The following CKLF variants were observed in gnomAD, a reference collection of about 807,000 sequenced individuals.
CKLF encodes the protein chemokine like factor.
CKLF carries 16 observed loss-of-function variants against 12.9 expected under a neutral mutation model. That is an observed-to-expected ratio of 1.24 (90% CI 0.84 to 1.88). The LOEUF (loss-of-function observed/expected upper bound fraction) is 1.88, where lower values mean the gene tolerates loss of function less well. CKLF is among the 40% of genes most tolerant of loss of function. The probability of loss-of-function intolerance (pLI) is 0.00; values close to 1 mark genes in which losing one functional copy is unlikely to be tolerated. For synonymous variants in CKLF, 61 were observed against 69.0 expected (o/e 0.88, Z 0.57); for missense variants, 172 against 188.5 (o/e 0.91, Z 0.51).
In CKLF at chr16:66,552,733, G is replaced by A; in HGVS notation, c.18G>A (p.Pro6=). ...CAGACGCGATGGATAACGTGCAGCC[G>A]AAAATAAAACATCGCCCCTTCTGCT... MDNVQ[P]KIKHRPFCFS... The change falls in exon 1 of 4, where the codon CCG becomes CCA. Residue 6 remains proline, a synonymous_variant. Transcript: ENST00000264001. 3 of 1,614,184 alleles carry A rather than the reference G, an allele frequency of 1.9e-6. No individual in the cohort carries two copies. The highest frequency in any genetic ancestry group is 2.5e-6 in the Non-Finnish European group (3 of 1,180,026).
intron 3 of CKLF, among the ~76,000 whole-genome samples, chr16:66,563,569 A>C (rs1197967247): frequency 6.6e-6 from 1 of 152,244 alleles, no homozygotes; most frequent in Non-Finnish European, 1.5e-5. Flanking sequence ...GATGAGTTTC[A>C]TAGCTCTCCC....
rs760227678 is a variant in CKLF, at chr16:66,566,016, A to G, written c.*5A>G. Reference sequence around the variant, plus strand: ...GAAAAAAAAGAAGTTTTGTAATTTTATATTACTTTTTAGTTTGATACTAAG... The same window carrying G: ...GAAAAAAAAGAAGTTTTGTAATTTTGTATTACTTTTTAGTTTGATACTAAG... On this transcript the variant is annotated 3_prime_UTR_variant, in exon 4 of 4. Coordinates refer to ENST00000264001, the MANE Select transcript of CKLF (RefSeq NM_016951.4). The surrounding 1 kb of genome is among the most constrained non-coding windows in gnomAD (Gnocchi z 4.9). The G allele has an allele frequency of 6.2e-7, 1 of 1,609,594 alleles. No individual in the cohort carries two copies. Among genetic ancestry groups the G allele is most frequent in the South Asian group, 1.1e-5 (1 of 90,888 alleles).
chr16:66,552,580 G>A lies in CKLF; in HGVS notation c.-136G>A, dbSNP rs568776860. 2.8e-6 allele frequency: 4 copies of A among 1,406,308 alleles called. No individual in the cohort carries two copies. The highest frequency in any genetic ancestry group is 2.8e-5 in the African/African-American group (2 of 70,324). 87.1% of individuals were successfully genotyped at this position (1,406,308 alleles called of 1,614,324 possible). A position where few individuals can be genotyped will look rare whatever the true frequency, so the allele number is the denominator to read the frequency against. ...CCGTGCGCATGCGCGCAAGAGAGCG[G>A]GAAGCCGAGCTGGGCGAGAAGTAGG... On this transcript the variant is annotated 5_prime_UTR_variant, in exon 1 of 4. Coordinates refer to ENST00000264001, the MANE Select transcript of CKLF (RefSeq NM_016951.4).
chr16:66,563,180 T>G lies in CKLF; in HGVS notation c.296T>G (p.Leu99Arg). The G allele has an allele frequency of 6.2e-7, 1 of 1,614,144 alleles. No individual in the cohort carries two copies. The highest frequency in any genetic ancestry group is 8.5e-7 in the Non-Finnish European group (1 of 1,180,020). Residue 99 changes from leucine to arginine, a missense_variant, in exon 3 of 4, where the codon CTG (leucine) becomes CGG (arginine). Transcript: ENST00000264001. ...VFMLIVSVLA[L>R]IPETTTLTVG... ...ATGCTCATCGTATCTGTGTTGGCAC[T>G]GATACCAGAAACCACAACATTGACA... is the stretch of plus-strand genomic sequence containing the variant.
At chr16:66,557,231 C>T (rs780402492) in intron 1 of CKLF, among the ~76,000 whole-genome samples, 4 of 152,054 alleles carry the variant, frequency 2.6e-5, no homozygotes, top group African/African-American at 4.8e-5. Context: ...AGTGCAGTGG[C>T]ATCTCAGCTC....
chr16:66,562,583 A>C (rs1477590319), intron 2 of CKLF, among the ~76,000 whole-genome samples: 3 of 152,260 alleles, frequency 2.0e-5, no homozygotes, highest in Non-Finnish European at 4.4e-5. Context: ...TTGGCATATC[A>C]CAGGTAAAAG....
chr16:66,559,623 C>T (rs2011591562), intron 2 of CKLF, among the ~76,000 whole-genome samples: 1 of 152,156 alleles, frequency 6.6e-6, no homozygotes, highest in South Asian at 2.1e-4. Context: ...ACATTTTAGC[C>T]TTTCTTTTTT....
At position 66,556,172 on chromosome 16, in the gene CKLF, G is replaced by A. The variant is rs3785088; in HGVS notation, c.79-2018G>A. On this transcript the variant is annotated intron_variant, in intron 1 of 3. Transcript: ENST00000264001. ...GAACCCACCAAGAGAGAACAGTCGC[G>A]GAGGTTTAAAATCTCGGAGAACTGA... is the stretch of plus-strand genomic sequence containing the variant. 6.6e-5 allele frequency among the ~76,000 whole-genome samples: 10 copies of A among 151,958 alleles called. No homozygotes were observed. In the East Asian group the frequency reaches 1.7e-3, roughly 26 times the overall value.
downstream of CKLF, chr16:66,566,152 G>GTA (rs2012286419): frequency 7.5e-6 from 12 of 1,593,858 alleles, no homozygotes; most frequent in African/African-American, 1.4e-5. This position sits in a 1 kb window ranked among gnomAD's most constrained non-coding sequence, Gnocchi z 4.9. Flanking sequence ...GAGCACTACT[G>GTA]TAACTTCCAA....
Position 66,556,700 on chromosome 16 carries a change from T to C in CKLF, c.79-1490T>C, listed in dbSNP as rs562773325. Among the ~76,000 whole-genome samples, 19 of 152,360 alleles carry C rather than the reference T, an allele frequency of 1.2e-4. 1 individual carries two copies. The highest frequency in any genetic ancestry group is 1.2e-3 in the Admixed American group (19 of 15,312). On this transcript the variant is annotated intron_variant, in intron 1 of 3. Transcript: ENST00000264001. ...TTGCTAATAGTAATTATATTAATTA[T>C]AAAGAATGAAGTTACTTAGTAACTA...
intron 1 of CKLF, among the ~76,000 whole-genome samples, chr16:66,553,868 C>T (rs2011295695): frequency 6.6e-6 from 1 of 152,096 alleles, no homozygotes. Flanking sequence ...CATATAAGAT[C>T]CTTCTCACAC....
chr16:66,565,758 A>G (rs1166791915), intron 3 of CKLF, 128 bp from the exon 4 acceptor site: 4 of 795,728 alleles, frequency 5.0e-6, no homozygotes, highest in Non-Finnish European at 8.5e-6. Flanking sequence ...TTAGTATTAG[A>G]TGAAGCACAG....
chr16:66,554,989 A>C (rs1468067820), intron 1 of CKLF, among the ~76,000 whole-genome samples: 1 of 152,186 alleles, frequency 6.6e-6, no homozygotes, highest in Non-Finnish European at 1.5e-5. Context: ...TAATCCCAGC[A>C]CTTTAGGAGG....
intron 2 of CKLF, 63 bp downstream of exon 2, chr16:66,558,411 ACT>A: frequency 6.4e-7 from 1 of 1,556,018 alleles, no homozygotes; most frequent in Non-Finnish European, 8.6e-7. Context: ...ATTCTAATGA[ACT>A]CTGTTTTTTG....
chr16:66,555,291 G>C (rs1465057169), intron 1 of CKLF, among the ~76,000 whole-genome samples: 1 of 152,184 alleles, frequency 6.6e-6, no homozygotes, highest in Admixed American at 6.5e-5. Flanking sequence ...GGTAGGGAAG[G>C]ACAGAAGGGG....
intron 2 of CKLF, among the ~76,000 whole-genome samples, chr16:66,561,553 C>T (rs1597132422): frequency 6.6e-6 from 1 of 152,114 alleles, no homozygotes; most frequent in South Asian, 2.1e-4. Flanking sequence ...TAAACCCTTG[C>T]CCAGATTGCT....
At position 66,552,626 on chromosome 16, in the gene CKLF, G is replaced by T. The variant is rs1387158700; in HGVS notation, c.-90G>T. ...GTAGGGGAGGGCGGTGCTCCGCCGC[G>T]GTGGCGGTTGCTATCGCTTCGCAGA... On this transcript the variant is annotated 5_prime_UTR_variant, in exon 1 of 4. Coordinates refer to ENST00000264001, the MANE Select transcript of CKLF (RefSeq NM_016951.4). 1.1e-5 allele frequency: 18 copies of T among 1,595,934 alleles called. No individual in the cohort carries two copies. The highest frequency in any genetic ancestry group is 1.5e-5 in the Non-Finnish European group (18 of 1,165,636).
At chr16:66,560,007 G>T (rs1371690306) in intron 2 of CKLF, among the ~76,000 whole-genome samples, 1 of 152,176 alleles carries the variant, frequency 6.6e-6, no homozygotes, top group Non-Finnish European at 1.5e-5. Context: ...GAATATAGGT[G>T]CTATGAGAGA....
chr16:66,558,583 G>A (rs2011543804), intron 2 of CKLF: 3 of 396,834 alleles, frequency 7.6e-6, no homozygotes, highest in Admixed American at 4.4e-5. Context: ...TGTGGCTGAC[G>A]CTTCTGTTAG....
Sources: gnomAD v4.1 joint callset for allele counts (sites outside exome capture counted in the v4.1 genomes callset) on GRCh38, gnomAD v4.1.1 for gene constraint, Gnocchi (gnomAD v3.1) non-coding constraint, MANE v1.5 for transcripts, NCBI Gene and HGNC (gene_info 2026-07-23, HGNC 2026-07-21) for gene names.